The following SLC2A13 variants were observed in gnomAD, a reference collection of about 807,000 sequenced individuals.
SLC2A13 encodes proton myo-inositol cotransporter.
A neutral mutation model predicts 64.4 loss-of-function variants in SLC2A13; 32 were observed. The ratio of observed to expected loss-of-function variants is 0.50; its 90% CI spans 0.37 to 0.67. SLC2A13 has a LOEUF of 0.67. SLC2A13 is among the 30% of genes least tolerant of loss of function. The pLI is 0.00. For missense variants in SLC2A13, 743 were observed against 829.2 expected (o/e 0.90, Z 1.28); for synonymous variants, 338 against 327.1 (o/e 1.03, Z -0.36).
At chr12:39,880,044 A>ACT (rs369694148) in intron 4 of SLC2A13, among the ~76,000 whole-genome samples, 7 of 150,618 alleles carry the variant, frequency 4.6e-5, no homozygotes, top group African/African-American at 7.3e-5. Flanking sequence ...CTCACCCTGC[A>ACT]CTCTCTCTCT....
At chr12:39,971,651 G>T (rs968174639) in intron 3 of SLC2A13, among the ~76,000 whole-genome samples, 25 of 151,976 alleles carry the variant, frequency 1.6e-4, no homozygotes, top group Non-Finnish European at 3.5e-4. Flanking sequence ...TATGTTAGGG[G>T]TTTGGAACAA....
chr12:39,911,233 C>T (rs551628650), intron 4 of SLC2A13, among the ~76,000 whole-genome samples: 2 of 152,112 alleles, frequency 1.3e-5, no homozygotes, highest in Non-Finnish European at 2.9e-5. Context: ...GGCAAGAACA[C>T]GACTATATTT....
At chr12:39,999,731 C>T (rs549414864) in intron 3 of SLC2A13, among the ~76,000 whole-genome samples, 1 of 152,264 alleles carries the variant, frequency 6.6e-6, no homozygotes, top group African/African-American at 2.4e-5. Context: ...TTTTTGGACC[C>T]TTATCAGGAG....
At position 39,988,923 on chromosome 12, in the gene SLC2A13, A is replaced by G. The variant is rs140504296; in HGVS notation, c.926-37558T>C. 2.6e-5 allele frequency among the ~76,000 whole-genome samples: 4 copies of G among 152,242 alleles called. No homozygotes were observed. The East Asian group carries it at 7.7e-4, about 29-fold the overall frequency. On this transcript the variant is annotated intron_variant, in intron 3 of 9. Coordinates refer to ENST00000280871, the MANE Select transcript of SLC2A13 (RefSeq NM_052885.4). ...CGTCGCCTCCTCTCACAACCCCCAT[A>G]GCAATCACCTAGGCCTAGGCCACCA...
intron 3 of SLC2A13, among the ~76,000 whole-genome samples, chr12:40,018,525 A>G (rs188168133): frequency 1.3e-3 from 205 of 152,354 alleles, no homozygotes; most frequent in African/African-American, 4.7e-3. Context: ...AATTAAAATA[A>G]TACCAGCATC....
chr12:39,845,800 G>A (rs1428940172), intron 6 of SLC2A13, among the ~76,000 whole-genome samples: 2 of 152,100 alleles, frequency 1.3e-5, no homozygotes, highest in East Asian at 1.9e-4. Context: ...AAACCAATAG[G>A]AATTAGGGAA....
At chr12:40,016,984 G>A (rs1947631395) in intron 3 of SLC2A13, among the ~76,000 whole-genome samples, 1 of 152,118 alleles carries the variant, frequency 6.6e-6, no homozygotes, top group Non-Finnish European at 1.5e-5. Context: ...TGTAAATAGA[G>A]ACATTCAACA....
intron 3 of SLC2A13, among the ~76,000 whole-genome samples, chr12:40,018,960 T>C (rs150214057): frequency 0.014 from 2,121 of 152,196 alleles, 130 homozygotes; most frequent in Admixed American, 0.096. Context: ...TCAAACAAGA[T>C]TGTAAAGGAA....
intron 3 of SLC2A13, among the ~76,000 whole-genome samples, chr12:40,020,412 C>T (rs1180583578): frequency 1.3e-5 from 2 of 152,180 alleles, no homozygotes; most frequent in Non-Finnish European, 2.9e-5. Flanking sequence ...ACTCTCTCTC[C>T]TGCGGCCATG....
At chr12:39,899,459 G>GT (rs1392549942) in intron 4 of SLC2A13, among the ~76,000 whole-genome samples, 8 of 152,168 alleles carry the variant, frequency 5.3e-5, no homozygotes, top group Non-Finnish European at 2.9e-5. Context: ...TTTTTAAAGG[G>GT]TTTTTTGTGT....
At chr12:39,978,775 T>A (rs921997080) in intron 3 of SLC2A13, among the ~76,000 whole-genome samples, 1 of 152,070 alleles carries the variant, frequency 6.6e-6, no homozygotes, top group African/African-American at 2.4e-5. Flanking sequence ...CAGGCTTGCT[T>A]AGGTAAACAA....
In SLC2A13 at chr12:39,923,563, C is replaced by T. The variant is rs140914369; in HGVS notation, c.1034+27694G>A. On this transcript the variant is annotated intron_variant, in intron 4 of 9. Coordinates refer to ENST00000280871, the MANE Select transcript of SLC2A13 (RefSeq NM_052885.4). ...TTCTGTTTGGGGCAATGAAAAAGTT[C>T]CAGAAATGGAGAGTGGTGATGATTG... 4.9e-3 allele frequency among the ~76,000 whole-genome samples: 738 copies of T among 151,700 alleles called. 3 individuals are homozygous for T. Among genetic ancestry groups the T allele is most frequent in the Non-Finnish European group, 7.7e-3 (521 of 67,892 alleles).
chr12:40,097,218 T>C (rs1938976753), intron 1 of SLC2A13, among the ~76,000 whole-genome samples: 1 of 152,170 alleles, frequency 6.6e-6, no homozygotes, highest in South Asian at 2.1e-4. Context: ...ATGAAGATAA[T>C]ATATTTTCAC....
chr12:39,792,918 G>C (rs1186871267), intron 7 of SLC2A13, among the ~76,000 whole-genome samples: 1 of 151,908 alleles, frequency 6.6e-6, no homozygotes, highest in Non-Finnish European at 1.5e-5. Context: ...CTTTCTCTAT[G>C]GTATCTTTTT....
intron 6 of SLC2A13, among the ~76,000 whole-genome samples, chr12:39,859,891 C>A (rs758698650): frequency 1.6e-4 from 25 of 152,202 alleles, no homozygotes; most frequent in Non-Finnish European, 2.6e-4. Context: ...TTGTCAATTT[C>A]TACTCAAGCA....
chr12:40,104,244 G>A (rs745559614), intron 1 of SLC2A13, among the ~76,000 whole-genome samples: 3 of 152,196 alleles, frequency 2.0e-5, no homozygotes, highest in Non-Finnish European at 4.4e-5. Flanking sequence ...CATCAGCGGT[G>A]TGTCTTAGAA....
At chr12:40,006,030 TGAAAAA>T (rs1486105445) in intron 3 of SLC2A13, among the ~76,000 whole-genome samples, 6 of 152,270 alleles carry the variant, frequency 3.9e-5, no homozygotes, top group South Asian at 2.1e-4. Flanking sequence ...GGTTAAAATT[TGAAAAA>T]GAAAAACAGT....
intron 1 of SLC2A13, among the ~76,000 whole-genome samples, chr12:40,078,560 T>C (rs1938270434): frequency 6.6e-6 from 1 of 152,190 alleles, no homozygotes. Flanking sequence ...TAAGGATTTT[T>C]GTGTCTGTGT....
At chr12:39,856,059 T>C (rs995749379) in intron 6 of SLC2A13, among the ~76,000 whole-genome samples, 2 of 152,184 alleles carry the variant, frequency 1.3e-5, no homozygotes, top group Non-Finnish European at 2.9e-5. Flanking sequence ...AAGTAAACTT[T>C]GAAGAAACAA....
Sources: allele counts gnomAD v4.1 joint callset (sites outside exome capture counted in the v4.1 genomes callset), GRCh38; gene constraint gnomAD v4.1.1; transcripts MANE v1.5; gene names NCBI Gene and HGNC (gene_info 2026-07-23, HGNC 2026-07-21).